Variants in SPAG9 observed in about 807,000 individuals in gnomAD.
SPAG9 encodes C-Jun-amino-terminal kinase-interacting protein 4.
A neutral mutation model predicts 166.5 loss-of-function variants in SPAG9; 35 were observed. The ratio of observed to expected loss-of-function variants is 0.21; its 90% CI spans 0.16 to 0.28. The LOEUF (loss-of-function observed/expected upper bound fraction) is 0.28. Among genes scored for constraint, SPAG9 ranks in the 10% least tolerant of loss-of-function variants. The probability of loss-of-function intolerance (pLI) is 1.00; values close to 1 mark genes in which losing one functional copy is unlikely to be tolerated. For synonymous variants in SPAG9, 534 were observed against 565.5 expected, an observed-to-expected ratio of 0.94 and a Z score of 0.79; for missense variants, 1,235 against 1,603.3, an observed-to-expected ratio of 0.77 and a Z score of 3.92.
At position 51,077,045 on chromosome 17, in the gene SPAG9, GCTATCTAGCTAGCTAT is replaced by G. The variant is rs1568065477; in HGVS notation, c.424+2523_424+2538del. ...ATCTAGCTATCTATCTAGCTATCTA[GCTATCTAGCTAGCTAT>G]CTAGCTAGCTATCTAGCTATCTAGC... is the stretch of plus-strand genomic sequence containing the variant. On this transcript the variant is annotated intron_variant, in intron 2 of 29. Coordinates refer to ENST00000262013, the MANE Select transcript of SPAG9 (RefSeq NM_001130528.3). Among the ~76,000 whole-genome samples the G allele has an allele frequency of 7.1e-4, 70 of 99,090 alleles. No homozygotes were observed. In the South Asian group the frequency reaches 8.5e-3, roughly 12 times the overall value. The allele number at this position is 99,090 out of a possible 152,430, so 65.0% of individuals were successfully genotyped here.
intron 1 of SPAG9, among the ~76,000 whole-genome samples, chr17:51,100,065 A>C (rs1179857077): frequency 6.6e-6 from 1 of 152,154 alleles, no homozygotes; most frequent in Non-Finnish European, 1.5e-5. Flanking sequence ...GTGCCACTGC[A>C]CTCCAGCCTG....
At chr17:51,037,665 TTA>T (rs59365716) in intron 5 of SPAG9, among the ~76,000 whole-genome samples, 21,174 of 92,828 alleles carry the variant, frequency 0.23, 4,111 homozygotes, top group East Asian at 0.68. Context: ...TATATGTGTT[TTA>T]TATATATATA....
Position 51,120,329 on chromosome 17 carries a change from G to T in SPAG9, c.303+25C>A. Reference sequence around the variant, plus strand: ...GCCGCCCCCGGAGACGGATCCCGCGGCCCCCGCCCTGCCGCCGGCCTCACC... The same window carrying T: ...GCCGCCCCCGGAGACGGATCCCGCGTCCCCCGCCCTGCCGCCGGCCTCACC... On this transcript the variant is annotated intron_variant, in intron 1 of 29. Coordinates refer to ENST00000262013, the MANE Select transcript of SPAG9 (RefSeq NM_001130528.3). This position sits in a 1 kb window ranked among gnomAD's most constrained non-coding sequence, Gnocchi z 4.7. The T allele has an allele frequency of 6.6e-7, 1 of 1,521,704 alleles. No individual in the cohort carries two copies. Among genetic ancestry groups the T allele is most frequent in the Non-Finnish European group, 8.8e-7 (1 of 1,135,576 alleles). The allele number at this position is 1,521,704 out of a possible 1,614,324, so 94.3% of individuals were successfully genotyped here.
chr17:51,006,031 T>C, intron 11 of SPAG9, 54 bp downstream of exon 11: 1 of 1,591,864 alleles, frequency 6.3e-7, no homozygotes, highest in Non-Finnish European at 8.6e-7. Flanking sequence ...TCTGTAACCC[T>C]TTGTGGCATA....
intron 9 of SPAG9, among the ~76,000 whole-genome samples, chr17:51,012,722 C>CTTTATTTATTTATTTATTTA (rs142325730): frequency 1.4e-5 from 2 of 145,738 alleles, no homozygotes; most frequent in African/African-American, 5.2e-5. Flanking sequence ...TTACTAGATA[C>CTTTATTTATTTATTTATTTA]TTTATTTATT....
chr17:51,088,835 C>T (rs1030534163), intron 1 of SPAG9, among the ~76,000 whole-genome samples: 1 of 151,812 alleles, frequency 6.6e-6, no homozygotes, highest in African/African-American at 2.4e-5. Flanking sequence ...TTGCTCACGC[C>T]TGTAATCCCA....
rs144035429 is a variant in SPAG9, at chr17:51,077,017, G to GCTAT, written c.424+2563_424+2566dup. ...ATCTAGCTATCTAGCTAGCTAGCTA[G>GCTAT]CTATCTAGCTATCTATCTAGCTATC... On this transcript the variant is annotated intron_variant, in intron 2 of 29. Transcript: ENST00000262013. Among the ~76,000 whole-genome samples, 60 of 47,626 alleles carry GCTAT rather than the reference G, an allele frequency of 1.3e-3. 2 individuals carry two copies. The highest frequency in any genetic ancestry group is 2.1e-3 in the South Asian group (4 of 1,902). The allele number at this position is 47,626 out of a possible 152,430, so 31.2% of individuals were successfully genotyped here.
intron 26 of SPAG9, among the ~76,000 whole-genome samples, chr17:50,978,351 G>T (rs1688196657): frequency 6.6e-6 from 1 of 152,132 alleles, no homozygotes; most frequent in African/African-American, 2.4e-5. Flanking sequence ...CTAGGGAGAA[G>T]GTACATAGCT....
At chr17:51,053,850 A>ATATAT (rs2047256222) in intron 3 of SPAG9, among the ~76,000 whole-genome samples, 3 of 57,214 alleles carry the variant, frequency 5.2e-5, no homozygotes, top group Non-Finnish European at 6.0e-5. Context: ...AAAAAAAAAA[A>ATATAT]AAAAGTATAT....
intron 1 of SPAG9, among the ~76,000 whole-genome samples, chr17:51,089,440 C>A (rs2048388877): frequency 6.7e-6 from 1 of 150,322 alleles, no homozygotes; most frequent in Non-Finnish European, 1.5e-5. Flanking sequence ...AACAAAAAAA[C>A]AAACAAACAA....
chr17:50,982,046 A>AG (rs1350969646), intron 25 of SPAG9, among the ~76,000 whole-genome samples: 1 of 151,906 alleles, frequency 6.6e-6, no homozygotes, highest in African/African-American at 2.4e-5. Context: ...AAAAAAAAAA[A>AG]GAAAAAAGAA....
intron 13 of SPAG9, among the ~76,000 whole-genome samples, chr17:51,001,106 G>T (rs538859347): frequency 6.6e-6 from 1 of 152,300 alleles, no homozygotes; most frequent in African/African-American, 2.4e-5. Flanking sequence ...ACATGTCAAT[G>T]CATACTATTA....
At chr17:51,028,352 A>AAC (rs2046269063) in intron 6 of SPAG9, among the ~76,000 whole-genome samples, 1 of 152,136 alleles carries the variant, frequency 6.6e-6, no homozygotes, top group East Asian at 1.9e-4. Flanking sequence ...CTTCATATTC[A>AAC]CTCACTGCTC....
intron 11 of SPAG9, among the ~76,000 whole-genome samples, 184 bp from the exon 12 acceptor site, chr17:51,005,447 G>A (rs2045170704): frequency 6.6e-6 from 1 of 152,084 alleles, no homozygotes; most frequent in African/African-American, 2.4e-5. Flanking sequence ...GAAATAAACA[G>A]GTATTAAAGA....
At position 51,113,080 on chromosome 17, in the gene SPAG9, G is replaced by A. The variant is rs913324170; in HGVS notation, c.303+7274C>T. Among the ~76,000 whole-genome samples, 17 of 151,974 alleles carry A rather than the reference G, an allele frequency of 1.1e-4. No homozygotes were observed. The East Asian group carries it at 1.2e-3, about 10-fold the overall frequency. On this transcript the variant is annotated intron_variant, in intron 1 of 29. Transcript: ENST00000262013. ...GAAAAAATGTTGGCCGCTGCCGGGC[G>A]TGGTGGCTCACACCCATAATCCCAG...
chr17:51,056,699 C>T (rs1022008744), intron 2 of SPAG9, among the ~76,000 whole-genome samples: 7 of 151,994 alleles, frequency 4.6e-5, no homozygotes, highest in African/African-American at 1.7e-4. Context: ...TCTAATATTC[C>T]TATATTTATC....
chr17:51,027,082 T>C (rs8075473), intron 6 of SPAG9, among the ~76,000 whole-genome samples: 89,572 of 151,974 alleles, frequency 0.59, 26,991 homozygotes, highest in African/African-American at 0.69. Context: ...TCGGACAAAG[T>C]ATTTGGCCAG....
At chr17:51,025,316 C>CAAAAAAA (rs10549685) in intron 6 of SPAG9, among the ~76,000 whole-genome samples, 6 of 61,108 alleles carry the variant, frequency 9.8e-5, no homozygotes, top group South Asian at 5.8e-4. Flanking sequence ...GACTCTGTCT[C>CAAAAAAA]AAAAAAAAAA....
intron 1 of SPAG9, among the ~76,000 whole-genome samples, chr17:51,095,347 C>G (rs929972367): frequency 6.9e-6 from 1 of 144,508 alleles, no homozygotes; most frequent in East Asian, 2.0e-4. Flanking sequence ...CGGTGGCTCA[C>G]GCCTGTAATC....
Sources: gnomAD v4.1 joint callset for allele counts (sites outside exome capture counted in the v4.1 genomes callset) on GRCh38, gnomAD v4.1.1 for gene constraint, Gnocchi (gnomAD v3.1) non-coding constraint, MANE v1.5 for transcripts, NCBI Gene and HGNC (gene_info 2026-07-23, HGNC 2026-07-21) for gene names.